RFTN2: variants seen among roughly 807,000 people sequenced by gnomAD.
The protein encoded by RFTN2 is raftlin-2.
In RFTN2, 34 loss-of-function variants were observed where a neutral mutation model predicts 52.7. The observed-to-expected ratio is 0.64, with a 90% CI of 0.49 to 0.86. RFTN2 has a LOEUF of 0.86. RFTN2 is among the 40% of genes least tolerant of loss of function. The pLI is 0.00. For missense variants in RFTN2, 536 were observed against 600.1 expected, an observed-to-expected ratio of 0.89 and a Z score of 1.12; for synonymous variants, 203 against 217.7, an observed-to-expected ratio of 0.93 and a Z score of 0.59.
chr2:197,620,592 A>G (rs1022200889), intron 5 of RFTN2, among the ~76,000 whole-genome samples: 100 of 152,216 alleles, frequency 6.6e-4, no homozygotes, highest in African/African-American at 2.4e-3. Flanking sequence ...TAAGAGATAA[A>G]TCATTATTAT....
intron 5 of RFTN2, among the ~76,000 whole-genome samples, chr2:197,629,741 G>A (rs1434726616): frequency 1.1e-5 from 1 of 87,332 alleles, no homozygotes; most frequent in South Asian, 3.9e-4. Context: ...ATTTTTTTTT[G>A]AGACAGTGTC....
chr2:197,596,149 G>A, intron 7 of RFTN2, 80 bp from the exon 8 acceptor site: 1 of 703,612 alleles, frequency 1.4e-6, no homozygotes, highest in Non-Finnish European at 2.3e-6. Flanking sequence ...CATTCCATAT[G>A]TAGTTTTGTA....
chr2:197,579,288 C>T (rs541246239), intron 8 of RFTN2, among the ~76,000 whole-genome samples: 1 of 152,260 alleles, frequency 6.6e-6, no homozygotes, highest in East Asian at 1.9e-4. Flanking sequence ...TTGCCCCCGA[C>T]CCCTTCTCTC....
chr2:197,634,850 A>G lies in RFTN2; in HGVS notation c.439-853T>C, dbSNP rs184308698. 7.6e-4 allele frequency among the ~76,000 whole-genome samples: 115 copies of G among 151,802 alleles called. No individual in the cohort carries two copies. In the East Asian group the frequency reaches 0.015, roughly 20 times the overall value. On this transcript the variant is annotated intron_variant, in intron 3 of 8. Transcript: ENST00000295049. Reference sequence around the variant, plus strand: ...CGCTGCACCCCCTAACTTGTCATCTAGCATTAGGTATATCTCCCAATGCTA... The same window carrying G: ...CGCTGCACCCCCTAACTTGTCATCTGGCATTAGGTATATCTCCCAATGCTA...
intron 1 of RFTN2, among the ~76,000 whole-genome samples, chr2:197,654,253 G>T (rs753985390): frequency 2.6e-5 from 4 of 152,126 alleles, no homozygotes; most frequent in Non-Finnish European, 4.4e-5. Flanking sequence ...GAGCGTGATT[G>T]CACATGCCTG....
At chr2:197,599,925 C>T (rs1329767718) in intron 7 of RFTN2, among the ~76,000 whole-genome samples, 1 of 152,098 alleles carries the variant, frequency 6.6e-6, no homozygotes, top group Non-Finnish European at 1.5e-5. Context: ...GTGGTATGAT[C>T]TGGGCTCACT....
chr2:197,602,599 C>T (rs1032435977), intron 7 of RFTN2, among the ~76,000 whole-genome samples: 12 of 151,296 alleles, frequency 7.9e-5, no homozygotes, highest in Non-Finnish European at 1.5e-4. Context: ...AGTGCAGTGA[C>T]GTGATCTTGG....
intron 8 of RFTN2, among the ~76,000 whole-genome samples, chr2:197,582,953 C>T (rs949461552): frequency 2.6e-5 from 4 of 152,168 alleles, no homozygotes; most frequent in African/African-American, 4.8e-5. Context: ...CACCTACTCC[C>T]CCACTGAATC....
rs749556096 is a variant in RFTN2, at chr2:197,634,011, A to G, written c.439-14T>C. ...AGCGACATTAATCTGATATTTAAAA[A>G]GAGATGGCAGAACAAAATGTAAACT... On this transcript the variant is annotated splice_polypyrimidine_tract_variant and intron_variant, in intron 3 of 8. Coordinates refer to ENST00000295049, the MANE Select transcript of RFTN2 (RefSeq NM_144629.3). 23 of 1,593,954 alleles carry G rather than the reference A, an allele frequency of 1.4e-5. No homozygotes were observed. Among genetic ancestry groups the G allele is most frequent in the Admixed American group, 6.9e-5 (4 of 58,152 alleles).
intron 7 of RFTN2, among the ~76,000 whole-genome samples, chr2:197,613,393 T>G (rs1309091068): frequency 6.6e-6 from 1 of 152,226 alleles, no homozygotes; most frequent in African/African-American, 2.4e-5. Context: ...TTAGATGACT[T>G]GCCCAAATCA....
chr2:197,623,408 A>G (rs945769707), intron 5 of RFTN2, among the ~76,000 whole-genome samples: 3 of 152,244 alleles, frequency 2.0e-5, no homozygotes, highest in Non-Finnish European at 2.9e-5. Flanking sequence ...AATTGCTGCA[A>G]TCTCGTAGTA....
At chr2:197,612,980 C>A (rs2088088052) in intron 7 of RFTN2, among the ~76,000 whole-genome samples, 1 of 152,238 alleles carries the variant, frequency 6.6e-6, no homozygotes, top group Non-Finnish European at 1.5e-5. Context: ...ATGTTTTCGA[C>A]ATGTGGGCCG....
At chr2:197,581,741 G>A (rs544196424) in intron 8 of RFTN2, among the ~76,000 whole-genome samples, 12 of 152,114 alleles carry the variant, frequency 7.9e-5, no homozygotes, top group South Asian at 4.2e-4. Flanking sequence ...TCTCCCTGCC[G>A]ATCATGTCCA....
chr2:197,569,612 T>C lies in RFTN2; in HGVS notation c.*2396A>G, dbSNP rs1049039955. 1 of 151,960 alleles carries C rather than the reference T, an allele frequency of 6.6e-6. No individual in the cohort carries two copies. Among genetic ancestry groups the C allele is most frequent in the African/African-American group, 2.4e-5 (1 of 41,374 alleles). 9.4% of individuals were successfully genotyped at this position (151,960 alleles called of 1,614,324 possible). A position where few individuals can be genotyped will look rare whatever the true frequency, so the allele number is the denominator to read the frequency against. ...AAATAAACGGGAGGGGAGAAAAAAA[T>C]AAACTGAGAAAGTATGCTTACACAA... On this transcript the variant is annotated 3_prime_UTR_variant, in exon 9 of 9. Transcript: ENST00000295049.
chr2:197,624,806 C>T (rs2088327664), intron 5 of RFTN2, among the ~76,000 whole-genome samples: 1 of 151,826 alleles, frequency 6.6e-6, no homozygotes, highest in Non-Finnish European at 1.5e-5. Flanking sequence ...AAAAAAATAG[C>T]CAGTGTGGTG....
At chr2:197,642,077 C>T (rs547414871) in intron 3 of RFTN2, among the ~76,000 whole-genome samples, 13 of 152,188 alleles carry the variant, frequency 8.5e-5, no homozygotes, top group African/African-American at 2.4e-4. Flanking sequence ...AAACAATATG[C>T]GTAGTTTGTT....
intron 5 of RFTN2, among the ~76,000 whole-genome samples, chr2:197,630,185 G>A (rs2088445262): frequency 7.5e-6 from 1 of 133,066 alleles, no homozygotes; most frequent in Non-Finnish European, 1.6e-5. Flanking sequence ...ATCATCCAAA[G>A]TCTGTAGTTG....
At chr2:197,603,690 G>A (rs191934837) in intron 7 of RFTN2, among the ~76,000 whole-genome samples, 62 of 152,222 alleles carry the variant, frequency 4.1e-4, no homozygotes, top group African/African-American at 1.1e-3. Flanking sequence ...TGAGGCAGGC[G>A]GATCTCTGGA....
chr2:197,590,767 G>C (rs1338842414), intron 8 of RFTN2, among the ~76,000 whole-genome samples: 1 of 152,144 alleles, frequency 6.6e-6, no homozygotes, highest in Non-Finnish European at 1.5e-5. Context: ...AACGTGGCGC[G>C]TCTGGAGTTG....
Sources: allele counts gnomAD v4.1 joint callset (sites outside exome capture counted in the v4.1 genomes callset), GRCh38; gene constraint gnomAD v4.1.1; transcripts MANE v1.5; gene names NCBI Gene and HGNC (gene_info 2026-07-23, HGNC 2026-07-21).